TEX9: variants seen among roughly 807,000 people sequenced by gnomAD.
TEX9 encodes testis expressed 9.
In TEX9, 74 loss-of-function variants were observed where a neutral mutation model predicts 59.6. The observed-to-expected ratio is 1.24, with a 90% CI of 1.03 to 1.51. The LOEUF is 1.51. Ranked by LOEUF, TEX9 falls within the 40% of genes most tolerant of loss-of-function variation. The pLI is 0.00. For missense variants in TEX9, 522 were observed against 447.8 expected (o/e 1.17, Z -1.49); for synonymous variants, 186 against 152.2 (o/e 1.22, Z -1.64).
intron 1 of TEX9, among the ~76,000 whole-genome samples, chr15:56,281,963 C>T (rs1420259712): frequency 6.6e-6 from 1 of 152,182 alleles, no homozygotes; most frequent in Non-Finnish European, 1.5e-5. Flanking sequence ...TTATAACTTT[C>T]TCATTTCTAC....
chr15:56,382,961 C>A (rs111571009), intron 3 of TEX9, among the ~76,000 whole-genome samples: 1 of 152,244 alleles, frequency 6.6e-6, no homozygotes, highest in African/African-American at 2.4e-5. Context: ...TAGGATTTGC[C>A]TAGAAAATGG....
At chr15:56,327,351 A>C (rs1357487291) in intron 1 of TEX9, among the ~76,000 whole-genome samples, 4 of 152,138 alleles carry the variant, frequency 2.6e-5, no homozygotes, top group Non-Finnish European at 4.4e-5. Context: ...ATGAATCCTT[A>C]CTTGCTTCAG....
chr15:56,305,508 G>A (rs2045460525), intron 1 of TEX9, among the ~76,000 whole-genome samples: 1 of 152,070 alleles, frequency 6.6e-6, no homozygotes, highest in African/African-American at 2.4e-5. Flanking sequence ...AAAATGCCAA[G>A]AACGTACAAT....
intron 12 of TEX9, among the ~76,000 whole-genome samples, chr15:56,437,121 GAT>G (rs2050739505): frequency 6.6e-6 from 1 of 152,092 alleles, no homozygotes. Context: ...GCAGCATCCT[GAT>G]ACTTTGGTCG....
At chr15:56,364,309 A>G (rs1421402250), upstream of TEX9, among the ~76,000 whole-genome samples, 12 of 150,428 alleles carry the variant, frequency 8.0e-5, no homozygotes, top group African/African-American at 2.7e-4. Flanking sequence ...ATGAGCCACC[A>G]CACCCGGCTA....
At chr15:56,288,835 GTC>G (rs1425175387) in intron 1 of TEX9, among the ~76,000 whole-genome samples, 1 of 151,052 alleles carries the variant, frequency 6.6e-6, no homozygotes, top group Non-Finnish European at 1.5e-5. Context: ...CTACACTTTT[GTC>G]TCTCTCTTCA....
upstream of TEX9, among the ~76,000 whole-genome samples, chr15:56,363,942 A>G (rs1366585467): frequency 6.6e-6 from 1 of 151,128 alleles, no homozygotes; most frequent in Non-Finnish European, 1.5e-5. Context: ...CTTAGCCTCC[A>G]AAGTGCTCAT....
intron 9 of TEX9, chr15:56,397,819 C>T (rs1054584595): frequency 3.3e-5 from 5 of 152,462 alleles, no homozygotes; most frequent in Middle Eastern, 3.4e-3. Context: ...TTTCCCTGCA[C>T]AAGCTCTCGT....
intron 1 of TEX9, among the ~76,000 whole-genome samples, chr15:56,317,062 G>A (rs1229097558): frequency 6.6e-6 from 1 of 152,150 alleles, no homozygotes; most frequent in Non-Finnish European, 1.5e-5. Flanking sequence ...GCACTCCCTA[G>A]TGAGATGAAC....
downstream of TEX9, chr15:56,446,763 T>C (rs1330357235): frequency 4.7e-6 from 5 of 1,067,298 alleles, no homozygotes; most frequent in East Asian, 2.5e-5. Flanking sequence ...TTATACAATA[T>C]GACAATTTTT....
At chr15:56,352,870 G>C (rs1267835034) in intron 1 of TEX9, among the ~76,000 whole-genome samples, 1 of 152,138 alleles carries the variant, frequency 6.6e-6, no homozygotes, top group Non-Finnish European at 1.5e-5. Flanking sequence ...CTGATACATA[G>C]TTTCATACTA....
chr15:56,400,802 C>T (rs2048729913), intron 9 of TEX9, among the ~76,000 whole-genome samples: 1 of 152,210 alleles, frequency 6.6e-6, no homozygotes, highest in Non-Finnish European at 1.5e-5. Flanking sequence ...AGAAACCCTA[C>T]AAACCAGAAG....
intron 2 of TEX9, among the ~76,000 whole-genome samples, chr15:56,367,230 C>CT (rs2046987055): frequency 6.6e-6 from 1 of 152,104 alleles, no homozygotes; most frequent in Non-Finnish European, 1.5e-5. Context: ...TATCTGTACT[C>CT]TGAGTTGTGC....
At chr15:56,427,821 GT>G (rs2140293107) in intron 11 of TEX9, 82 bp downstream of exon 11, 6 of 1,105,910 alleles carry the variant, frequency 5.4e-6, no homozygotes, top group Non-Finnish European at 7.4e-6. Flanking sequence ...CTTTAGGTAT[GT>G]TTTTGACATC....
chr15:56,325,296 C>G (rs2045998869), intron 1 of TEX9, among the ~76,000 whole-genome samples: 1 of 152,128 alleles, frequency 6.6e-6, no homozygotes, highest in Non-Finnish European at 1.5e-5. Context: ...AAGAACAGAT[C>G]CTGGATCTTG....
intron 9 of TEX9, among the ~76,000 whole-genome samples, chr15:56,405,302 G>A (rs1377431251): frequency 1.4e-5 from 2 of 141,102 alleles, no homozygotes; most frequent in Admixed American, 7.0e-5. Context: ...GCAAGACTCC[G>A]TCTCAAAGAA....
chr15:56,291,119 T>C (rs2045078467), intron 1 of TEX9, among the ~76,000 whole-genome samples: 1 of 152,228 alleles, frequency 6.6e-6, no homozygotes, highest in South Asian at 2.1e-4. Flanking sequence ...GAAATGATCC[T>C]GATGCACCTA....
At chr15:56,284,798 T>C (rs2044907322) in intron 1 of TEX9, among the ~76,000 whole-genome samples, 1 of 152,190 alleles carries the variant, frequency 6.6e-6, no homozygotes, top group African/African-American at 2.4e-5. Context: ...TTCCAAGTTC[T>C]GATCTTCTCC....
Position 56,388,531 on chromosome 15 carries a change from A to C in TEX9, c.312+11A>C. On this transcript the variant is annotated intron_variant, in intron 5 of 12. Transcript: ENST00000352903. ...CATTCAGAAACTAAGGTATGAAATC[A>C]AACTTTCTGTGAATGCAATTATATT... 6.2e-7 allele frequency: 1 copy of C among 1,609,626 alleles called. No homozygotes were observed.
Sources: gnomAD v4.1 joint callset for allele counts (sites outside exome capture counted in the v4.1 genomes callset) on GRCh38, gnomAD v4.1.1 for gene constraint, MANE v1.5 for transcripts, NCBI Gene and HGNC (gene_info 2026-07-23, HGNC 2026-07-21) for gene names.